Variants in TACR1 observed in about 807,000 individuals in gnomAD.
The protein encoded by TACR1 is tachykinin receptor 1.
A neutral mutation model predicts 35.8 loss-of-function variants in TACR1; 25 were observed. The observed-to-expected ratio is 0.70, with a 90% CI of 0.51 to 0.98. TACR1 has a LOEUF of 0.98. TACR1 is among the 50% of genes least tolerant of loss of function. The probability of loss-of-function intolerance (pLI) is 0.00; values close to 1 mark genes in which losing one functional copy is unlikely to be tolerated. For missense variants in TACR1, 478 were observed against 522.9 expected (o/e 0.91, Z 0.84); for synonymous variants, 195 against 206.7 (o/e 0.94, Z 0.48).
chr2:75,190,283 G>A (rs1389742958), intron 1 of TACR1, among the ~76,000 whole-genome samples: 7 of 152,182 alleles, frequency 4.6e-5, no homozygotes, highest in Admixed American at 4.6e-4. Flanking sequence ...GAATGCTTAG[G>A]GGATGGTGTA....
intron 1 of TACR1, among the ~76,000 whole-genome samples, chr2:75,145,035 C>G (rs1018138319): frequency 3.9e-5 from 6 of 152,090 alleles, no homozygotes; most frequent in East Asian, 3.9e-4. Flanking sequence ...ATTAACACAG[C>G]CTGAGCGGAA....
At chr2:75,165,373 G>A (rs1017368617) in intron 1 of TACR1, among the ~76,000 whole-genome samples, 2 of 151,908 alleles carry the variant, frequency 1.3e-5, no homozygotes, top group Admixed American at 6.5e-5. Context: ...GCAGTGGCGC[G>A]ATCTCGGCTC....
At chr2:75,109,644 T>C (rs1165885443) in intron 2 of TACR1, among the ~76,000 whole-genome samples, 2 of 152,154 alleles carry the variant, frequency 1.3e-5, no homozygotes, top group African/African-American at 4.8e-5. Flanking sequence ...AATACTTCTT[T>C]CAAATGAAAA....
chr2:75,154,554 A>G, intron 1 of TACR1: 1 of 148,910 alleles, frequency 6.7e-6, no homozygotes, highest in Non-Finnish European at 1.5e-5. Flanking sequence ...GTGGAGATTC[A>G]GCACTAACCC....
At chr2:75,068,763 C>T (rs1421148276) in intron 2 of TACR1, among the ~76,000 whole-genome samples, 1 of 152,156 alleles carries the variant, frequency 6.6e-6, no homozygotes, top group Non-Finnish European at 1.5e-5. Context: ...AATAGCACCC[C>T]CTTGAGTTGT....
intron 2 of TACR1, among the ~76,000 whole-genome samples, chr2:75,107,876 G>T (rs1446207413): frequency 6.6e-6 from 1 of 151,880 alleles, no homozygotes; most frequent in Non-Finnish European, 1.5e-5. Flanking sequence ...AAAGGCAATA[G>T]AATTGGTAAA....
At chr2:75,053,840 G>C in intron 2 of TACR1, 85 bp from the exon 3 acceptor site, 1 of 1,544,058 alleles carries the variant, frequency 6.5e-7, no homozygotes, top group Non-Finnish European at 8.8e-7. Flanking sequence ...TGCAGTCAAG[G>C]TTTGGCAGCT....
At chr2:75,051,833 A>G (rs1472819474) in intron 3 of TACR1, among the ~76,000 whole-genome samples, 1 of 152,108 alleles carries the variant, frequency 6.6e-6, no homozygotes, top group African/African-American at 2.4e-5. Context: ...ATTATTCTTC[A>G]TGACTGGAGG....
chr2:75,048,396 C>G lies in TACR1; in HGVS notation c.*1036G>C, dbSNP rs952918008. ...ATGGATGCAGGCCTTGGCATGAAGT[C>G]CTCTGCTCTGTCAAAAGCCAAAACC... is the stretch of plus-strand genomic sequence containing the variant. On this transcript the variant is annotated 3_prime_UTR_variant, in exon 5 of 5. Transcript: ENST00000305249. 5 of 152,290 alleles carry G rather than the reference C, an allele frequency of 3.3e-5. No homozygotes were observed. In the East Asian group the frequency reaches 9.6e-4, roughly 29 times the overall value. The allele number at this position is 152,290 out of a possible 1,614,324, so 9.4% of individuals were successfully genotyped here. A position where few individuals can be genotyped will look rare whatever the true frequency, so the allele number is the denominator to read the frequency against.
chr2:75,126,457 G>A (rs1234009854), intron 1 of TACR1, among the ~76,000 whole-genome samples: 1 of 152,114 alleles, frequency 6.6e-6, no homozygotes, highest in Non-Finnish European at 1.5e-5. Context: ...CCAGTAATGG[G>A]ATTGCTGGGT....
chr2:75,133,065 A>C (rs1182721912), intron 1 of TACR1, among the ~76,000 whole-genome samples: 2 of 152,166 alleles, frequency 1.3e-5, no homozygotes, highest in African/African-American at 2.4e-5. Context: ...GGCAGGTCCT[A>C]GGCTTTGTTT....
intron 1 of TACR1, among the ~76,000 whole-genome samples, chr2:75,158,148 C>A (rs1479482189): frequency 7.9e-5 from 12 of 152,232 alleles, no homozygotes; most frequent in Admixed American, 7.2e-4. Context: ...GGTCCTCCAA[C>A]ACTTTTTACT....
rs1304922643 is a variant in TACR1, at chr2:75,051,246, C to T, written c.932+5G>A. 1 of 1,614,016 alleles carries T rather than the reference C, an allele frequency of 6.2e-7. No individual in the cohort carries two copies. On this transcript the variant is annotated splice_donor_5th_base_variant and intron_variant, in intron 4 of 4. Transcript: ENST00000305249. ...CTGGAGAGCTCATGGGGTTGGGATC[C>T]TCACCTGTCATTGAGGCAGCAGTAG...
chr2:75,148,819 T>C (rs950590527), intron 1 of TACR1, among the ~76,000 whole-genome samples: 4 of 152,244 alleles, frequency 2.6e-5, no homozygotes, highest in Non-Finnish European at 5.9e-5. Flanking sequence ...TGAATGATAC[T>C]GCCTAGGTTT....
At position 75,053,351 on chromosome 2, in the gene TACR1, C is replaced by CGT. The variant is rs146114140; in HGVS notation, c.735+252_735+253dup. Among the ~76,000 whole-genome samples the CGT allele has an allele frequency of 3.5e-4, 53 of 151,150 alleles. 1 individual carries two copies. Among genetic ancestry groups the CGT allele is most frequent in the Admixed American group, 1.2e-3 (18 of 15,216 alleles). On this transcript the variant is annotated intron_variant, in intron 3 of 4. Transcript: ENST00000305249. The stretch of plus-strand genomic sequence containing the variant: ...TTCACTGATCTTTTATTTAAGTGTG[C>CGT]GTGTGTGTGTGTGTGTTTTAATGGA...
chr2:75,053,548 T>C lies in TACR1; in HGVS notation c.735+57A>G, dbSNP rs1253575691. On this transcript the variant is annotated intron_variant, in intron 3 of 4. Coordinates refer to ENST00000305249, the MANE Select transcript of TACR1 (RefSeq NM_001058.4). ...TGGGGCTCACAAGTGTGCCATCCCT[T>C]CTCGACAGCCTGTTGTCTGTGCCAG... is the stretch of plus-strand genomic sequence containing the variant. 2.7e-6 allele frequency: 4 copies of C among 1,461,952 alleles called. No homozygotes were observed. The African/African-American group carries it at 5.8e-5, about 21-fold the overall frequency. 90.6% of individuals were successfully genotyped at this position (1,461,952 alleles called of 1,614,324 possible). A position where few individuals can be genotyped will look rare whatever the true frequency, so the allele number is the denominator to read the frequency against.
At chr2:75,159,252 C>G (rs761742665) in intron 1 of TACR1, among the ~76,000 whole-genome samples, 1 of 151,634 alleles carries the variant, frequency 6.6e-6, no homozygotes, top group Non-Finnish European at 1.5e-5. Flanking sequence ...TCAAGCCAAC[C>G]GAAACACAAA....
intron 1 of TACR1, among the ~76,000 whole-genome samples, chr2:75,167,352 G>A (rs1427110472): frequency 6.6e-6 from 1 of 152,144 alleles, no homozygotes; most frequent in Non-Finnish European, 1.5e-5. Context: ...AGAGTAGCAT[G>A]GTGTATATAG....
chr2:75,141,468 A>G (rs7596469), intron 1 of TACR1, among the ~76,000 whole-genome samples: 12,575 of 152,046 alleles, frequency 0.083, 1,106 homozygotes, highest in African/African-American at 0.22. Context: ...CTTGAAGCTT[A>G]GGAGCATAGG....
Sources: gnomAD v4.1 joint callset for allele counts (sites outside exome capture counted in the v4.1 genomes callset) on GRCh38, gnomAD v4.1.1 for gene constraint, MANE v1.5 for transcripts, NCBI Gene and HGNC (gene_info 2026-07-23, HGNC 2026-07-21) for gene names.